Variants in CDNF observed in about 807,000 individuals in gnomAD.
The protein encoded by CDNF is ARMET-like protein 1.
In CDNF, 9 loss-of-function variants were observed where a neutral mutation model predicts 14.8. That is an observed-to-expected ratio of 0.61 (90% CI 0.37 to 1.06). The LOEUF is 1.06. CDNF is among the 50% of genes least tolerant of loss of function. CDNF has a pLI of 0.01. For synonymous variants in CDNF, 86 were observed against 87.2 expected, an observed-to-expected ratio of 0.99 and a Z score of 0.07; for missense variants, 228 against 228.4, an observed-to-expected ratio of 1.00 and a Z score of 0.01.
At chr10:14,826,892 G>C (rs935888283) in intron 2 of CDNF, among the ~76,000 whole-genome samples, 3 of 151,880 alleles carry the variant, frequency 2.0e-5, no homozygotes, top group African/African-American at 7.3e-5. Flanking sequence ...TGACATTCAA[G>C]CTCCCTGACT....
At chr10:14,832,852 CTTTTTT>C (rs918887413) in intron 1 of CDNF, among the ~76,000 whole-genome samples, 2 of 80,496 alleles carry the variant, frequency 2.5e-5, no homozygotes, top group South Asian at 5.3e-4. Flanking sequence ...TCTTTTTTTG[CTTTTTT>C]TTTTTTTTTT....
intron 1 of CDNF, among the ~76,000 whole-genome samples, chr10:14,831,074 C>T: frequency 6.6e-6 from 1 of 152,142 alleles, no homozygotes; most frequent in East Asian, 1.9e-4. Context: ...TCAAGTGAAA[C>T]CATTTCTTTT....
At chr10:14,837,538 G>GT (rs1833903196) in intron 1 of CDNF, among the ~76,000 whole-genome samples, 1 of 152,228 alleles carries the variant, frequency 6.6e-6, no homozygotes, top group Non-Finnish European at 1.5e-5. Context: ...TCTGGCGCCA[G>GT]TATCATCTGA....
At chr10:14,824,551 A>G (rs1201872109) in intron 3 of CDNF, among the ~76,000 whole-genome samples, 10 of 148,380 alleles carry the variant, frequency 6.7e-5, no homozygotes, top group Non-Finnish European at 1.5e-4. Context: ...GATTGCAGTG[A>G]GCCAAGATCG....
intron 2 of CDNF, among the ~76,000 whole-genome samples, chr10:14,827,829 T>C (rs1039169183): frequency 1.3e-5 from 2 of 152,074 alleles, no homozygotes; most frequent in Admixed American, 1.3e-4. Flanking sequence ...GAGGCAGAGG[T>C]TGCAGTGAGC....
At chr10:14,826,095 A>AAGAAGG in intron 2 of CDNF, among the ~76,000 whole-genome samples, 1 of 87,618 alleles carries the variant, frequency 1.1e-5, no homozygotes, top group African/African-American at 5.0e-5. Flanking sequence ...GAAGAAGAAG[A>AAGAAGG]AGCAGCAGCA....
At chr10:14,835,514 G>T (rs1490559218) in intron 1 of CDNF, among the ~76,000 whole-genome samples, 1 of 152,144 alleles carries the variant, frequency 6.6e-6, no homozygotes, top group Non-Finnish European at 1.5e-5. Context: ...TACATGAAGA[G>T]AATAACCTCA....
rs1296145870 is a variant in CDNF at position 14,819,385 on chromosome 10, C to G, written c.*595G>C. 6.6e-6 allele frequency: 1 copy of G among 152,174 alleles called. No individual in the cohort carries two copies. The highest frequency in any genetic ancestry group is 1.5e-5 in the Non-Finnish European group (1 of 68,042). 9.4% of individuals were successfully genotyped at this position (152,174 alleles called of 1,614,324 possible). A position where few individuals can be genotyped will look rare whatever the true frequency, so the allele number is the denominator to read the frequency against. On this transcript the variant is annotated 3_prime_UTR_variant, in exon 4 of 4. Transcript: ENST00000465530. ...TGTAAATGTTGATATAATTGCCAAA[C>G]ATTGGCTATACTTATACGGTTTCTT...
intron 1 of CDNF, among the ~76,000 whole-genome samples, chr10:14,835,167 C>T (rs1482856013): frequency 6.6e-6 from 1 of 152,074 alleles, no homozygotes; most frequent in Non-Finnish European, 1.5e-5. Context: ...AGGGCATGTT[C>T]ACTAGTCAAT....
At chr10:14,826,543 GAAGAA>G (rs1833798706) in intron 2 of CDNF, among the ~76,000 whole-genome samples, 1 of 152,116 alleles carries the variant, frequency 6.6e-6, no homozygotes, top group Non-Finnish European at 1.5e-5. Context: ...GAAGAAGAAA[GAAGAA>G]GAGAGGTTAA....
At chr10:14,824,837 G>GTATTTAATATTAATACTTAATA (rs1833765983) in intron 3 of CDNF, among the ~76,000 whole-genome samples, 1 of 152,090 alleles carries the variant, frequency 6.6e-6, no homozygotes, top group Non-Finnish European at 1.5e-5. Flanking sequence ...TGTTTTAATA[G>GTATTTAATATTAATACTTAATA]ATTACCAAGA....
intron 1 of CDNF, among the ~76,000 whole-genome samples, chr10:14,837,529 C>G (rs1833902984): frequency 6.6e-6 from 1 of 152,252 alleles, no homozygotes; most frequent in Admixed American, 6.5e-5. Context: ...CAGAATCAAT[C>G]TGGCGCCAGT....
chr10:14,820,083 C>G lies in CDNF; in HGVS notation c.461G>C (p.Trp154Ser), dbSNP rs61738953. Reference sequence around the variant, plus strand: ...TGCACAGGCCCTGCACTCCTCCCCCCAGCTATGCAGGATCTGCTTCAGCTC... The same window carrying G: ...TGCACAGGCCCTGCACTCCTCCCCCGAGCTATGCAGGATCTGCTTCAGCTC... The part of the protein sequence containing the change: ...VAELKQILHS[W>S]GEECRACAEK... Residue 154 changes from tryptophan to serine, a missense_variant, in exon 4 of 4, where the codon TGG becomes TCG. Coordinates refer to ENST00000465530, the MANE Select transcript of CDNF (RefSeq NM_001029954.3). The G allele has an allele frequency of 0.035, 56,032 of 1,613,940 alleles. 1,126 individuals carry two copies. Among genetic ancestry groups the G allele is most frequent in the Middle Eastern group, 0.047 (285 of 6,060 alleles).
chr10:14,831,583 T>TG (rs1491093087), intron 1 of CDNF, among the ~76,000 whole-genome samples: 1 of 149,074 alleles, frequency 6.7e-6, no homozygotes, highest in African/African-American at 2.4e-5. Flanking sequence ...TATATATATA[T>TG]TTTTTTTCAA....
chr10:14,822,948 G>A (rs1232369548), intron 3 of CDNF, among the ~76,000 whole-genome samples: 2 of 152,092 alleles, frequency 1.3e-5, no homozygotes, highest in African/African-American at 4.8e-5. Flanking sequence ...CATTCTTTCA[G>A]GTCAAAAACC....
chr10:14,827,554 G>A (rs1305242799), intron 2 of CDNF, among the ~76,000 whole-genome samples: 1 of 152,144 alleles, frequency 6.6e-6, no homozygotes, highest in Non-Finnish European at 1.5e-5. Flanking sequence ...CTCTTAGGAT[G>A]CTAAATTCTT....
intron 1 of CDNF, among the ~76,000 whole-genome samples, chr10:14,831,687 G>T (rs1323159359): frequency 6.6e-6 from 1 of 151,664 alleles, no homozygotes; most frequent in Non-Finnish European, 1.5e-5. Context: ...CAATTCTCCT[G>T]CCTCAGACTC....
intron 1 of CDNF, among the ~76,000 whole-genome samples, chr10:14,834,618 A>C (rs1052505119): frequency 1.3e-5 from 2 of 152,132 alleles, no homozygotes; most frequent in South Asian, 2.1e-4. Context: ...ATATGCATAC[A>C]TTTCTTCAAC....
At chr10:14,831,028 A>G (rs1396382839) in intron 1 of CDNF, among the ~76,000 whole-genome samples, 2 of 152,210 alleles carry the variant, frequency 1.3e-5, no homozygotes, top group Non-Finnish European at 2.9e-5. Flanking sequence ...TGAGTTATCA[A>G]GAAAGTTTTG....
Sources: allele counts gnomAD v4.1 joint callset (sites outside exome capture counted in the v4.1 genomes callset), GRCh38; gene constraint gnomAD v4.1.1; transcripts MANE v1.5; gene names NCBI Gene and HGNC (gene_info 2026-07-23, HGNC 2026-07-21).